Variants in CARMIL1 observed in about 807,000 individuals in gnomAD.
The protein encoded by CARMIL1 is capping protein regulator and myosin 1 linker 1.
CARMIL1 carries 90 observed loss-of-function variants against 177.1 expected under a neutral mutation model. The ratio of observed to expected loss-of-function variants is 0.51; its 90% CI spans 0.43 to 0.61. The LOEUF (loss-of-function observed/expected upper bound fraction) is 0.61. Among genes scored for constraint, CARMIL1 ranks in the 20% least tolerant of loss-of-function variants. The pLI is 0.00. For synonymous variants in CARMIL1, 577 were observed against 606.2 expected (o/e 0.95, Z 0.71); for missense variants, 1,380 against 1,667.0 (o/e 0.83, Z 3.00).
intron 29 of CARMIL1, among the ~76,000 whole-genome samples, chr6:25,564,885 AG>A (rs1471376258): frequency 6.6e-6 from 1 of 152,126 alleles, no homozygotes; most frequent in Non-Finnish European, 1.5e-5. Flanking sequence ...GCTCTGGTAA[AG>A]GTAGGCAGGT....
intron 2 of CARMIL1, among the ~76,000 whole-genome samples, chr6:25,379,833 A>G (rs1791354130): frequency 6.6e-6 from 1 of 152,098 alleles, no homozygotes; most frequent in Non-Finnish European, 1.5e-5. Flanking sequence ...CTTTAACATT[A>G]CTTGTAACTC....
chr6:25,460,820 C>G (rs1014403603), intron 8 of CARMIL1, among the ~76,000 whole-genome samples: 1 of 152,192 alleles, frequency 6.6e-6, no homozygotes, highest in Non-Finnish European at 1.5e-5. Flanking sequence ...CATCCTTGTA[C>G]TTGTCTCCTT....
At chr6:25,557,625 G>A (rs2151183511) in intron 29 of CARMIL1, among the ~76,000 whole-genome samples, 1 of 152,238 alleles carries the variant, frequency 6.6e-6, no homozygotes, top group South Asian at 2.1e-4. Context: ...ATCTGAGGTG[G>A]TGGTGGTAAG....
intron 8 of CARMIL1, among the ~76,000 whole-genome samples, chr6:25,457,548 G>A (rs577694392): frequency 2.0e-5 from 3 of 152,292 alleles, no homozygotes; most frequent in South Asian, 4.1e-4. Context: ...ACTTTTTAAA[G>A]CACTCCAACT....
chr6:25,615,591 C>T (rs915156344), intron 36 of CARMIL1, among the ~76,000 whole-genome samples: 8 of 152,148 alleles, frequency 5.3e-5, no homozygotes, highest in Non-Finnish European at 1.0e-4. Context: ...TTGCCTCTTC[C>T]ATAATCCAAG....
intron 32 of CARMIL1, among the ~76,000 whole-genome samples, chr6:25,597,845 C>G (rs1226885775): frequency 6.6e-6 from 1 of 152,178 alleles, no homozygotes; most frequent in Non-Finnish European, 1.5e-5. Flanking sequence ...GCATATCTTT[C>G]ATTTGGATTA....
chr6:25,389,988 T>TA, intron 2 of CARMIL1, among the ~76,000 whole-genome samples: 1 of 152,012 alleles, frequency 6.6e-6, no homozygotes, highest in South Asian at 2.1e-4. Context: ...TTGCCTAGTT[T>TA]AAAAAAACAA....
chr6:25,468,322 C>G (rs1211679095), intron 9 of CARMIL1, among the ~76,000 whole-genome samples: 2 of 151,962 alleles, frequency 1.3e-5, no homozygotes, highest in East Asian at 3.9e-4. Context: ...GCAATTCAGG[C>G]AAATTGGTGA....
intron 26 of CARMIL1, 116 bp from the exon 27 acceptor site, chr6:25,550,794 C>T (rs1261237404): frequency 1.7e-5 from 15 of 892,978 alleles, no homozygotes; most frequent in South Asian, 5.0e-5. Context: ...TCTGGGACTC[C>T]GTCGTGCTCC....
intron 25 of CARMIL1, among the ~76,000 whole-genome samples, chr6:25,539,552 G>C (rs1808681301): frequency 6.6e-6 from 1 of 150,538 alleles, no homozygotes; most frequent in Non-Finnish European, 1.5e-5. Context: ...TTGAACCCGG[G>C]AGGCGGAGGT....
In CARMIL1 at chr6:25,382,120, CAG is replaced by C. The variant is rs570757834; in HGVS notation, c.139-37991_139-37990del. On this transcript the variant is annotated intron_variant, in intron 2 of 36. Transcript: ENST00000329474. ...AGAACTTATTTTTATTTTTTTAAGA[CAG>C]AGTCTCACTCTGTCACCCAGGCTGG... is the stretch of plus-strand genomic sequence containing the variant. Among the ~76,000 whole-genome samples the C allele has an allele frequency of 3.7e-3, 564 of 152,198 alleles. 5 individuals carry two copies. The highest frequency in any genetic ancestry group is 0.012 in the African/African-American group (507 of 41,522).
chr6:25,313,260 G>C (rs988964665), intron 2 of CARMIL1, among the ~76,000 whole-genome samples: 3 of 152,132 alleles, frequency 2.0e-5, no homozygotes, highest in African/African-American at 7.2e-5. Context: ...GTTTTGCCTA[G>C]AGGGAGAGAA....
chr6:25,501,557 A>G (rs1410719489), intron 17 of CARMIL1, among the ~76,000 whole-genome samples: 4 of 152,272 alleles, frequency 2.6e-5, no homozygotes, highest in African/African-American at 7.2e-5. Context: ...CTGTTTTTCT[A>G]TCTGTCTGCC....
At chr6:25,386,000 C>T (rs1792121649) in intron 2 of CARMIL1, among the ~76,000 whole-genome samples, 1 of 152,186 alleles carries the variant, frequency 6.6e-6, no homozygotes, top group Non-Finnish European at 1.5e-5. Context: ...CTTGTTCTTG[C>T]CTGCAGTTCT....
chr6:25,496,215 C>T (rs750966367), intron 16 of CARMIL1, among the ~76,000 whole-genome samples: 10 of 152,102 alleles, frequency 6.6e-5, no homozygotes, highest in Admixed American at 2.0e-4. Context: ...CGGTGGCTCA[C>T]GCCTGTAATC....
At chr6:25,331,347 C>A (rs34570353) in intron 2 of CARMIL1, among the ~76,000 whole-genome samples, 1 of 152,170 alleles carries the variant, frequency 6.6e-6, no homozygotes, top group African/African-American at 2.4e-5. Flanking sequence ...CCATGATAGA[C>A]GCTCCACTGA....
chr6:25,505,288 A>T (rs1259824246), intron 17 of CARMIL1, among the ~76,000 whole-genome samples: 1 of 152,178 alleles, frequency 6.6e-6, no homozygotes, highest in African/African-American at 2.4e-5. Context: ...AAGGGTAAAG[A>T]TTTAGTGTCA....
At chr6:25,460,201 A>G (rs1300504164) in intron 8 of CARMIL1, among the ~76,000 whole-genome samples, 1 of 152,348 alleles carries the variant, frequency 6.6e-6, no homozygotes, top group Middle Eastern at 3.4e-3. Flanking sequence ...AGGGAGGCCC[A>G]TGCAAATGTC....
At chr6:25,308,377 ATTTT>A (rs35167760) in intron 2 of CARMIL1, among the ~76,000 whole-genome samples, 209 of 118,808 alleles carry the variant, frequency 1.8e-3, no homozygotes, top group African/African-American at 3.7e-3. Context: ...TTGTACAACC[ATTTT>A]TTTTTTTTTT....
Sources: gnomAD v4.1 joint callset for allele counts (sites outside exome capture counted in the v4.1 genomes callset) on GRCh38, gnomAD v4.1.1 for gene constraint, MANE v1.5 for transcripts, NCBI Gene and HGNC (gene_info 2026-07-23, HGNC 2026-07-21) for gene names.